The following SLC36A1 variants were observed in gnomAD, a reference collection of about 807,000 sequenced individuals.
SLC36A1 encodes the protein solute carrier family 36 member 1, also known as proton-coupled amino acid transporter 1.
SLC36A1 carries 30 observed loss-of-function variants against 47.5 expected under a neutral mutation model. The observed-to-expected ratio is 0.63, with a 90% CI of 0.47 to 0.86. The LOEUF is 0.86. SLC36A1 is among the 40% of genes least tolerant of loss of function. The pLI, the probability that SLC36A1 is intolerant of heterozygous loss-of-function variation, is 0.00. For missense variants in SLC36A1, 517 were observed against 606.0 expected (o/e 0.85, Z 1.54); for synonymous variants, 255 against 249.7 (o/e 1.02, Z -0.20).
chr5:151,471,428 A>C (rs1757297958), intron 7 of SLC36A1, among the ~76,000 whole-genome samples: 2 of 152,244 alleles, frequency 1.3e-5, no homozygotes, highest in Non-Finnish European at 2.9e-5. Flanking sequence ...TTCCCACAAT[A>C]TCCCCACATA....
At chr5:151,549,894 G>A in the SLC36A1 span, among the ~76,000 whole-genome samples, 4 of 152,158 alleles carry the variant, frequency 2.6e-5, no homozygotes, top group African/African-American at 9.7e-5. Context: ...AGTTTTCTTT[G>A]TTGCAGGACT....
At chr5:151,385,696 C>T in the SLC36A1 span, among the ~76,000 whole-genome samples, 3 of 151,908 alleles carry the variant, frequency 2.0e-5, no homozygotes, top group Non-Finnish European at 4.4e-5. Context: ...CTTAGGGCAA[C>T]ACCCCAATAA....
chr5:151,396,430 A>G, the SLC36A1 span, among the ~76,000 whole-genome samples: 8 of 152,246 alleles, frequency 5.3e-5, no homozygotes, highest in African/African-American at 1.9e-4. Flanking sequence ...GATGGGTATA[A>G]ACTACTCAGA....
At chr5:151,357,983 G>C in the SLC36A1 span, among the ~76,000 whole-genome samples, 7 of 152,150 alleles carry the variant, frequency 4.6e-5, no homozygotes, top group African/African-American at 1.7e-4. Context: ...AGGCTGCATT[G>C]TGGTCAGAGA....
chr5:151,359,858 G>C, the SLC36A1 span, among the ~76,000 whole-genome samples: 10 of 152,282 alleles, frequency 6.6e-5, no homozygotes, highest in Admixed American at 2.6e-4. Flanking sequence ...CCAATAGTTT[G>C]TTTCTTTTAA....
the SLC36A1 span, among the ~76,000 whole-genome samples, chr5:151,370,328 A>G: frequency 1.3e-5 from 2 of 152,186 alleles, no homozygotes; most frequent in South Asian, 2.1e-4. Context: ...TACTCATGCA[A>G]TGCTGCATAT....
At chr5:151,442,917 G>T (rs1752708840), upstream of SLC36A1, among the ~76,000 whole-genome samples, 1 of 151,902 alleles carries the variant, frequency 6.6e-6, no homozygotes. Flanking sequence ...TCTGTGTCTG[G>T]CTTATTTCAC....
chr5:151,419,327 C>A, the SLC36A1 span, among the ~76,000 whole-genome samples: 1 of 152,260 alleles, frequency 6.6e-6, no homozygotes, highest in South Asian at 2.1e-4. Flanking sequence ...GTCTTTAGGG[C>A]CTGATTTCCC....
chr5:151,516,668 C>G, the SLC36A1 span, among the ~76,000 whole-genome samples: 1,560 of 152,272 alleles, frequency 0.01, 28 homozygotes, highest in African/African-American at 0.036. Context: ...CCCCATAGAA[C>G]AAAAGCTTTA....
chr5:151,388,137 T>A, the SLC36A1 span, among the ~76,000 whole-genome samples: 2 of 152,188 alleles, frequency 1.3e-5, no homozygotes, highest in Admixed American at 1.3e-4. Context: ...TGGCCTCTTT[T>A]TAAGTCTGAT....
the SLC36A1 span, chr5:151,517,916 ATACCTTTC>A: frequency 2.1e-6 from 2 of 934,204 alleles, no homozygotes; most frequent in Non-Finnish European, 3.2e-6. Context: ...GGGGTGTGCC[ATACCTTTC>A]TAGCCTCACA....
chr5:151,412,281 A>G, the SLC36A1 span, among the ~76,000 whole-genome samples: 1 of 144,816 alleles, frequency 6.9e-6, no homozygotes, highest in Non-Finnish European at 1.5e-5. Context: ...AAACATGGGG[A>G]AAAATTATAA....
the SLC36A1 span, among the ~76,000 whole-genome samples, chr5:151,374,609 T>C: frequency 6.6e-6 from 1 of 152,360 alleles, no homozygotes; most frequent in African/African-American, 2.4e-5. Flanking sequence ...ATGGATCAAA[T>C]GATTGTTCTA....
At chr5:151,353,489 C>T in the SLC36A1 span, among the ~76,000 whole-genome samples, 1 of 152,184 alleles carries the variant, frequency 6.6e-6, no homozygotes, top group Non-Finnish European at 1.5e-5. Flanking sequence ...CCCAGCCCCA[C>T]GCATTCACAG....
the SLC36A1 span, among the ~76,000 whole-genome samples, chr5:151,530,421 A>G: frequency 1.1e-4 from 17 of 152,242 alleles, no homozygotes; most frequent in Non-Finnish European, 5.9e-5. Context: ...GATATGCTAT[A>G]TGACACTATA....
the SLC36A1 span, chr5:151,553,144 T>C: frequency 6.3e-7 from 1 of 1,597,736 alleles, no homozygotes; most frequent in Non-Finnish European, 8.6e-7. Context: ...ATGGGAGGGG[T>C]TGGCCCTTGT....
intron 1 of SLC36A1, among the ~76,000 whole-genome samples, chr5:151,441,989 A>G (rs1320665492): frequency 6.6e-6 from 1 of 151,950 alleles, no homozygotes; most frequent in East Asian, 1.9e-4. Context: ...ATTACTTTAT[A>G]TTATTTTGTA....
At chr5:151,425,661 C>T in the SLC36A1 span, among the ~76,000 whole-genome samples, 1 of 152,002 alleles carries the variant, frequency 6.6e-6, no homozygotes, top group Non-Finnish European at 1.5e-5. Context: ...AAATAAAACC[C>T]ATCGTGTCCC....
At chr5:151,538,552 C>A in the SLC36A1 span, among the ~76,000 whole-genome samples, 3 of 152,316 alleles carry the variant, frequency 2.0e-5, no homozygotes, top group East Asian at 5.8e-4. Context: ...GCTGGAGCTC[C>A]CTGAGAATTC....
Sources: gnomAD v4.1 joint callset for allele counts (sites outside exome capture counted in the v4.1 genomes callset) on GRCh38, gnomAD v4.1.1 for gene constraint, MANE v1.5 for transcripts, NCBI Gene and HGNC (gene_info 2026-07-23, HGNC 2026-07-21) for gene names.